Variants in CC2D2A observed in about 807,000 individuals in gnomAD.
CC2D2A encodes the protein coiled-coil and C2 domain-containing protein 2A.
Under a neutral mutation model 212.9 loss-of-function variants are expected in CC2D2A, and 155 were observed. The ratio of observed to expected loss-of-function variants is 0.73; its 90% CI spans 0.64 to 0.83. The LOEUF is 0.83. Among genes scored for constraint, CC2D2A ranks in the 40% least tolerant of loss-of-function variants. The probability of loss-of-function intolerance (pLI) is 0.00; values close to 1 mark genes in which losing one functional copy is unlikely to be tolerated. For synonymous variants in CC2D2A, 667 were observed against 686.5 expected, an observed-to-expected ratio of 0.97 and a Z score of 0.44; for missense variants, 1,856 against 1,956.2, an observed-to-expected ratio of 0.95 and a Z score of 0.97.
At chr4:15,563,152 G>A (rs1719697488) in intron 23 of CC2D2A, among the ~76,000 whole-genome samples, 1 of 152,256 alleles carries the variant, frequency 6.6e-6, no homozygotes, top group African/African-American at 2.4e-5. Context: ...TGGATAAGCA[G>A]CAGCTAGAGT....
In CC2D2A at chr4:15,554,607, T is replaced by C. The variant is rs551248585; in HGVS notation, c.2487-465T>C. ...ATGAGAATCATTTGAACCTAGCAAG[T>C]AGAGGTTGCAGTGAGCTGAAATCGC... On this transcript the variant is annotated intron_variant, in intron 19 of 36. Transcript: ENST00000424120. 6.2e-4 allele frequency among the ~76,000 whole-genome samples: 94 copies of C among 152,360 alleles called. 1 individual carries two copies. In the South Asian group the frequency reaches 0.019, roughly 31 times the overall value.
intron 33 of CC2D2A, 84 bp from the exon 34 acceptor site, chr4:15,596,001 C>G: frequency 1.0e-6 from 1 of 962,914 alleles, no homozygotes; most frequent in Non-Finnish European, 1.4e-6. Flanking sequence ...TCTGCTGCCT[C>G]TATGCCACAC....
intron 35 of CC2D2A, 70 bp from the exon 36 acceptor site, chr4:15,599,459 C>T (rs1721476888): frequency 2.0e-6 from 2 of 997,770 alleles, no homozygotes; most frequent in Non-Finnish European, 2.9e-6. Context: ...ATCCCCACTA[C>T]ATACTACATA....
chr4:15,528,099 A>T (rs145808060), intron 12 of CC2D2A, among the ~76,000 whole-genome samples: 5 of 152,328 alleles, frequency 3.3e-5, no homozygotes, highest in Admixed American at 6.5e-5. Context: ...AAGCATTTGG[A>T]TTTATTCCCA....
At chr4:15,472,718 A>T (rs1422018656) in intron 1 of CC2D2A, among the ~76,000 whole-genome samples, 3 of 148,954 alleles carry the variant, frequency 2.0e-5, no homozygotes, top group Non-Finnish European at 4.4e-5. Context: ...TTTGCATTTC[A>T]TCTTTATTAT....
rs376243741 is a variant in CC2D2A at position 15,505,850 on chromosome 4, A to G, written c.438+2927A>G. ...CTTGATTAGTATCAGGACCACTATC[A>G]AGCATATATAAAAATTTGAGGGGTC... On this transcript the variant is annotated intron_variant, in intron 6 of 36. Transcript: ENST00000424120. Among the ~76,000 whole-genome samples the G allele has an allele frequency of 2.0e-5, 3 of 152,246 alleles. No homozygotes were observed. In the East Asian group the frequency reaches 5.8e-4, roughly 29 times the overall value.
intron 16 of CC2D2A, among the ~76,000 whole-genome samples, chr4:15,540,128 C>T (rs1718346123): frequency 6.6e-6 from 1 of 151,994 alleles, no homozygotes; most frequent in South Asian, 2.1e-4. Flanking sequence ...AACTACCACC[C>T]CTCCCCCAAA....
chr4:15,531,206 C>T (rs1478483765), intron 13 of CC2D2A, among the ~76,000 whole-genome samples: 1 of 152,172 alleles, frequency 6.6e-6, no homozygotes, highest in East Asian at 1.9e-4. Context: ...TCCTCTGAAG[C>T]AAATCTTGCC....
At chr4:15,597,325 T>A in intron 34 of CC2D2A, 82 bp from the exon 35 acceptor site, 1 of 1,016,972 alleles carries the variant, frequency 9.8e-7, no homozygotes, top group African/African-American at 1.6e-5. Context: ...TGAGATTTCA[T>A]TGATTTTTAA....
Position 15,567,373 on chromosome 4 carries a change from C to T in CC2D2A, c.3183-4C>T, listed in dbSNP as rs1207322912. The T allele has an allele frequency of 6.2e-7, 1 of 1,608,236 alleles. No homozygotes were observed. ...TAATTTCCTTCATACATTTTCTCTCCTAGCAAATTCCAGCAGCCGTCGAGG... is the reference window on the plus strand; with the variant it reads ...TAATTTCCTTCATACATTTTCTCTCTTAGCAAATTCCAGCAGCCGTCGAGG... On this transcript the variant is annotated splice_region_variant and splice_polypyrimidine_tract_variant and intron_variant, in intron 24 of 36. Transcript: ENST00000424120.
intron 4 of CC2D2A, among the ~76,000 whole-genome samples, chr4:15,483,407 G>C (rs1322448612): frequency 6.6e-6 from 1 of 152,086 alleles, no homozygotes; most frequent in Non-Finnish European, 1.5e-5. Context: ...ACACGGAGAG[G>C]GTCAAGAGCA....
chr4:15,582,409 G>C (rs1290614158), intron 30 of CC2D2A, among the ~76,000 whole-genome samples: 1 of 151,898 alleles, frequency 6.6e-6, no homozygotes, highest in African/African-American at 2.4e-5. Flanking sequence ...AAAGATCAAT[G>C]CAACAAAGAG....
chr4:15,528,601 G>A lies in CC2D2A; in HGVS notation c.1360-19G>A. The A allele has an allele frequency of 1.9e-6, 3 of 1,607,542 alleles. No individual in the cohort carries two copies. The highest frequency in any genetic ancestry group is 2.6e-6 in the Non-Finnish European group (3 of 1,174,300). ...GAATAGAGTTTGTAACCCAAAACTT[G>A]TATCCATGTCGTTTTAAGCTCCAAG... On this transcript the variant is annotated intron_variant, in intron 12 of 36. Transcript: ENST00000424120.
chr4:15,587,457 T>C (rs934345713), intron 31 of CC2D2A, among the ~76,000 whole-genome samples: 7 of 152,230 alleles, frequency 4.6e-5, no homozygotes, highest in African/African-American at 1.7e-4. Context: ...AATATGCAAA[T>C]TGTTCTAGAA....
intron 29 of CC2D2A, chr4:15,576,273 G>A (rs1410527102): frequency 2.4e-6 from 1 of 422,566 alleles, no homozygotes; most frequent in African/African-American, 2.2e-5. Flanking sequence ...ACACTGCTCA[G>A]TGATTCACTT....
intron 36 of CC2D2A, 23 bp downstream of exon 36, chr4:15,599,729 A>G: frequency 6.4e-7 from 1 of 1,555,250 alleles, no homozygotes. Context: ...TGGATCCTAA[A>G]CTGACTGTGG....
intron 26 of CC2D2A, among the ~76,000 whole-genome samples, 179 bp downstream of exon 26, chr4:15,567,965 G>A (rs1052067959): frequency 2.0e-5 from 3 of 152,098 alleles, no homozygotes; most frequent in Admixed American, 6.6e-5. Flanking sequence ...CTCCCTTCAA[G>A]AATAAAAATG....
intron 35 of CC2D2A, among the ~76,000 whole-genome samples, chr4:15,597,969 G>A (rs180933616): frequency 9.2e-5 from 14 of 152,254 alleles, no homozygotes; most frequent in African/African-American, 3.4e-4. Flanking sequence ...GGGGGCTTCT[G>A]AGCCCAGCCC....
Position 15,502,804 on chromosome 4 carries a change from TTC to T in CC2D2A, c.337-16_337-15del. ...TTCCTGACATCATGTAGCAGTAAAT[TTC>T]TGTTTGACTTTTTAGTCCAAAGCAG... On this transcript the variant is annotated splice_polypyrimidine_tract_variant and intron_variant, in intron 5 of 36. Transcript: ENST00000424120. 1 of 1,593,184 alleles carries T rather than the reference TTC, an allele frequency of 6.3e-7. No individual in the cohort carries two copies. Among genetic ancestry groups the T allele is most frequent in the Non-Finnish European group, 8.6e-7 (1 of 1,167,282 alleles).
Sources: gnomAD v4.1 joint callset for allele counts (sites outside exome capture counted in the v4.1 genomes callset) on GRCh38, gnomAD v4.1.1 for gene constraint, MANE v1.5 for transcripts, NCBI Gene and HGNC (gene_info 2026-07-23, HGNC 2026-07-21) for gene names.